The following SGCZ variants were observed in gnomAD, a reference collection of about 807,000 sequenced individuals.
SGCZ encodes the protein sarcoglycan zeta.
In SGCZ, 40 loss-of-function variants were observed where a neutral mutation model predicts 41.3. The observed-to-expected ratio is 0.97, with a 90% CI of 0.75 to 1.26. The LOEUF is 1.26. Ranked by LOEUF, SGCZ falls within the 50% of genes most tolerant of loss-of-function variation. The pLI is 0.00. For synonymous variants in SGCZ, 206 were observed against 137.5 expected, an observed-to-expected ratio of 1.50 and a Z score of -3.49; for missense variants, 552 against 369.8, an observed-to-expected ratio of 1.49 and a Z score of -4.04.
intron 2 of SGCZ, among the ~76,000 whole-genome samples, chr8:14,434,714 A>T (rs1475242359): frequency 1.3e-5 from 2 of 151,876 alleles, no homozygotes; most frequent in Non-Finnish European, 2.9e-5. Context: ...CAAATATTTT[A>T]ATTTTTTTTG....
intron 2 of SGCZ, among the ~76,000 whole-genome samples, chr8:14,502,067 T>C (rs144888612): frequency 6.6e-6 from 1 of 152,222 alleles, no homozygotes; most frequent in Admixed American, 6.5e-5. Context: ...TGGTAACAAA[T>C]TCTTTTGTTT....
chr8:15,237,522 A>C, intron 1 of SGCZ, 63 bp downstream of exon 1: 6 of 1,538,894 alleles, frequency 3.9e-6, no homozygotes, highest in Non-Finnish European at 5.3e-6. Context: ...AGCCGCGGGA[A>C]GGAGAGGGGA....
At chr8:14,115,683 G>A (rs1029426875) in intron 5 of SGCZ, among the ~76,000 whole-genome samples, 1 of 149,560 alleles carries the variant, frequency 6.7e-6, no homozygotes, top group Non-Finnish European at 1.5e-5. Flanking sequence ...ATTTTTTTTT[G>A]TATAACCCTT....
chr8:15,225,998 TA>T (rs1451422814), intron 1 of SGCZ, among the ~76,000 whole-genome samples: 1 of 152,184 alleles, frequency 6.6e-6, no homozygotes, highest in Admixed American at 6.5e-5. Context: ...ATAGAACAGC[TA>T]AACGCAGCTA....
intron 1 of SGCZ, among the ~76,000 whole-genome samples, chr8:14,584,064 G>A (rs893392139): frequency 2.6e-5 from 4 of 151,910 alleles, no homozygotes; most frequent in African/African-American, 9.7e-5. Flanking sequence ...TTTATCTCAG[G>A]GAGCTCAACA....
chr8:14,359,477 G>A lies in SGCZ; in HGVS notation c.235-35273C>T, dbSNP rs1240925052. On this transcript the variant is annotated intron_variant, in intron 2 of 7. Coordinates refer to ENST00000382080, the MANE Select transcript of SGCZ (RefSeq NM_139167.4). ...TTCTCAAGGACAAACCATACGTTATGCCACAAAACAAATCTTAAAACATTC... is the reference window on the plus strand; with the variant it reads ...TTCTCAAGGACAAACCATACGTTATACCACAAAACAAATCTTAAAACATTC... Among the ~76,000 whole-genome samples, 3 of 151,886 alleles carry A rather than the reference G, an allele frequency of 2.0e-5. 1 individual carries two copies. The highest frequency in any genetic ancestry group is 7.3e-5 in the African/African-American group (3 of 41,332).
chr8:14,334,917 A>T (rs1457399377), intron 2 of SGCZ, among the ~76,000 whole-genome samples: 1 of 152,106 alleles, frequency 6.6e-6, no homozygotes, highest in Non-Finnish European at 1.5e-5. Context: ...CCGACTGTGT[A>T]TTTAGAAGAG....
chr8:14,416,246 TAAG>T (rs1391948299), intron 2 of SGCZ, among the ~76,000 whole-genome samples: 1 of 151,948 alleles, frequency 6.6e-6, no homozygotes, highest in African/African-American at 2.4e-5. Context: ...ACATTTCCTA[TAAG>T]AAGTAACATA....
chr8:14,705,916 A>G (rs1219980872), intron 1 of SGCZ, among the ~76,000 whole-genome samples: 3 of 152,036 alleles, frequency 2.0e-5, no homozygotes, highest in Admixed American at 1.3e-4. Flanking sequence ...CCAGGATAGG[A>G]GTTGTATAAG....
intron 1 of SGCZ, among the ~76,000 whole-genome samples, chr8:15,088,652 A>G (rs1471144585): frequency 1.3e-5 from 2 of 151,538 alleles, no homozygotes; most frequent in East Asian, 1.9e-4. Flanking sequence ...AGCCCAGATG[A>G]GAAAACTGTT....
intron 1 of SGCZ, among the ~76,000 whole-genome samples, chr8:14,638,218 G>T (rs1806900627): frequency 6.6e-6 from 1 of 151,840 alleles, no homozygotes; most frequent in African/African-American, 2.4e-5. Flanking sequence ...AGTTTGTCAG[G>T]ATGTCCTGCT....
chr8:14,685,690 A>G (rs1475489295), intron 1 of SGCZ, among the ~76,000 whole-genome samples: 1 of 152,124 alleles, frequency 6.6e-6, no homozygotes, highest in Non-Finnish European at 1.5e-5. Context: ...TAACACCAAT[A>G]TTGGTATCTA....
chr8:14,808,649 A>G (rs191722520), intron 1 of SGCZ, among the ~76,000 whole-genome samples: 5,585 of 152,226 alleles, frequency 0.037, 342 homozygotes, highest in African/African-American at 0.13. Context: ...AAACTAATTC[A>G]ACCATTGTGG....
chr8:14,573,952 T>G (rs1324134619), intron 1 of SGCZ, among the ~76,000 whole-genome samples: 1 of 152,114 alleles, frequency 6.6e-6, no homozygotes, highest in Non-Finnish European at 1.5e-5. Flanking sequence ...TAAGGAAATT[T>G]GCACAGAGGA....
Position 14,724,269 on chromosome 8 carries a change from G to C in SGCZ, c.40-169343C>G, listed in dbSNP as rs1007201931. ...AAGAGAAAGCAAGGTGGAAATACATGTATATGTACACATATATGTGTACAT... is the reference window on the plus strand; with the variant it reads ...AAGAGAAAGCAAGGTGGAAATACATCTATATGTACACATATATGTGTACAT... On this transcript the variant is annotated intron_variant, in intron 1 of 7. Coordinates refer to ENST00000382080, the MANE Select transcript of SGCZ (RefSeq NM_139167.4). Among the ~76,000 whole-genome samples the C allele has an allele frequency of 2.0e-5, 3 of 151,836 alleles. No individual in the cohort carries two copies. The South Asian group carries it at 6.2e-4, about 32-fold the overall frequency.
At position 14,090,190 on chromosome 8, in the gene SGCZ, C is replaced by T; in HGVS notation, c.*253G>A. The stretch of plus-strand genomic sequence containing the variant: ...AGCAAAGGCACCTATGTTATTCTCC[C>T]TTTCGAGCAAAAGTCATGATCCAGT... On this transcript the variant is annotated 3_prime_UTR_variant, in exon 8 of 8. Transcript: ENST00000382080. The T allele has an allele frequency of 3.0e-6, 1 of 330,644 alleles. No individual in the cohort carries two copies. Among genetic ancestry groups the T allele is most frequent in the Non-Finnish European group, 5.5e-6 (1 of 182,456 alleles). The allele number at this position is 330,644 out of a possible 1,614,324, so 20.5% of individuals were successfully genotyped here. A position where few individuals can be genotyped will look rare whatever the true frequency, so the allele number is the denominator to read the frequency against.
At chr8:15,219,969 C>G (rs372151015) in intron 1 of SGCZ, among the ~76,000 whole-genome samples, 8 of 152,284 alleles carry the variant, frequency 5.3e-5, no homozygotes, top group African/African-American at 1.9e-4. Context: ...AAAGCAGATA[C>G]TCATTTGTTA....
intron 2 of SGCZ, among the ~76,000 whole-genome samples, chr8:14,350,530 T>C (rs1039263446): frequency 4.6e-5 from 7 of 152,080 alleles, no homozygotes; most frequent in Non-Finnish European, 8.8e-5. Flanking sequence ...AAGCTGAAGA[T>C]GTGATACCCC....
In SGCZ at chr8:15,193,191, T is replaced by C. The variant is rs77634078; in HGVS notation, c.39+44394A>G. Among the ~76,000 whole-genome samples, 1,121 of 152,126 alleles carry C rather than the reference T, an allele frequency of 7.4e-3. 24 individuals are homozygous for C. The highest frequency in any genetic ancestry group is 0.026 in the African/African-American group (1,058 of 41,412). On this transcript the variant is annotated intron_variant, in intron 1 of 7. Coordinates refer to ENST00000382080, the MANE Select transcript of SGCZ (RefSeq NM_139167.4). Reference sequence around the variant, plus strand: ...TAGTTTAATGTATTATTTCTCTTAATTTTTCAATGTGACGATGATAATAGC... The same window carrying C: ...TAGTTTAATGTATTATTTCTCTTAACTTTTCAATGTGACGATGATAATAGC...
Sources: allele counts gnomAD v4.1 joint callset (sites outside exome capture counted in the v4.1 genomes callset), GRCh38; gene constraint gnomAD v4.1.1; transcripts MANE v1.5; gene names NCBI Gene and HGNC (gene_info 2026-07-23, HGNC 2026-07-21).